The following PPP2R2B variants were observed in gnomAD, a reference collection of about 807,000 sequenced individuals.
PPP2R2B encodes protein phosphatase 2 regulatory subunit Bbeta, also known as serine/threonine-protein phosphatase 2A 55 kDa regulatory subunit B beta isoform.
Under a neutral mutation model 46.0 loss-of-function variants are expected in PPP2R2B, and 5 were observed. The observed-to-expected ratio is 0.11, with a 90% CI of 0.06 to 0.23. The LOEUF (loss-of-function observed/expected upper bound fraction) is 0.23, where lower values mean the gene tolerates loss of function less well. Ranked by LOEUF, PPP2R2B falls within the 10% of genes least tolerant of loss-of-function variation. The probability of loss-of-function intolerance (pLI) is 1.00; values close to 1 mark genes in which losing one functional copy is unlikely to be tolerated. For synonymous variants in PPP2R2B, 215 were observed against 206.7 expected (o/e 1.04, Z -0.34); for missense variants, 367 against 575.0 (o/e 0.64, Z 3.70).
intron 6 of PPP2R2B, among the ~76,000 whole-genome samples, chr5:146,647,452 G>A (rs1029150358): frequency 6.6e-6 from 1 of 152,162 alleles, no homozygotes; most frequent in Admixed American, 6.5e-5. Context: ...CAGTGCTTAG[G>A]GCGGTCTGGT....
intron 2 of PPP2R2B, among the ~76,000 whole-genome samples, chr5:146,782,808 A>G (rs948943257): frequency 4.6e-4 from 18 of 39,218 alleles, no homozygotes; most frequent in African/African-American, 1.3e-3. Flanking sequence ...GAGAGAAGGG[A>G]GAGGAAACAG....
intron 5 of PPP2R2B, among the ~76,000 whole-genome samples, chr5:146,674,512 C>G (rs1343249585): frequency 6.6e-6 from 1 of 152,194 alleles, no homozygotes; most frequent in East Asian, 1.9e-4. Context: ...TCCTACATCC[C>G]TTTGTGTACT....
At chr5:146,763,334 AGCTGGTTCAAAT>A (rs1286004491) in intron 2 of PPP2R2B, among the ~76,000 whole-genome samples, 2 of 152,166 alleles carry the variant, frequency 1.3e-5, no homozygotes, top group Non-Finnish European at 2.9e-5. Flanking sequence ...GAAATAACGC[AGCTGGTTCAAAT>A]GCTGGTTGAG....
At chr5:146,819,599 G>A (rs549535906) in intron 2 of PPP2R2B, among the ~76,000 whole-genome samples, 6 of 152,200 alleles carry the variant, frequency 3.9e-5, no homozygotes, top group South Asian at 4.1e-4. Flanking sequence ...AATAGTTATC[G>A]TTTCCTCCAT....
At chr5:146,668,337 G>A (rs967811469) in intron 5 of PPP2R2B, among the ~76,000 whole-genome samples, 1 of 152,094 alleles carries the variant, frequency 6.6e-6, no homozygotes, top group Non-Finnish European at 1.5e-5. Context: ...CTATTCCCTA[G>A]CTAGAAATTT....
rs746472530 is a variant in PPP2R2B, at chr5:146,586,514, G to A, written c.*3433C>T. ...GTCCTTAGAAATTGGGCATTTGAGT[G>A]TGTACCTTTTATTATAATGGACCCT... On this transcript the variant is annotated 3_prime_UTR_variant, in exon 10 of 10. Coordinates refer to ENST00000394411, the MANE Select transcript of PPP2R2B (RefSeq NM_181675.4). The A allele has an allele frequency of 3.9e-5, 6 of 152,170 alleles. No homozygotes were observed. The highest frequency in any genetic ancestry group is 7.3e-5 in the Non-Finnish European group (5 of 68,032). The allele number at this position is 152,170 out of a possible 1,614,324, so 9.4% of individuals were successfully genotyped here.
chr5:146,787,321 C>T (rs1156514544), intron 2 of PPP2R2B, among the ~76,000 whole-genome samples: 1 of 152,198 alleles, frequency 6.6e-6, no homozygotes, highest in Non-Finnish European at 1.5e-5. Flanking sequence ...TATGTACACA[C>T]TGTGGCCACA....
At chr5:146,895,387 A>G (rs180964791) in intron 1 of PPP2R2B, among the ~76,000 whole-genome samples, 2 of 152,316 alleles carry the variant, frequency 1.3e-5, no homozygotes, top group East Asian at 3.9e-4. Context: ...ATGAATGTTT[A>G]TTTAGCAAAA....
chr5:146,911,115 G>A lies in PPP2R2B; in HGVS notation c.79+144550C>T, dbSNP rs1238968360. On this transcript the variant is annotated intron_variant, in intron 1 of 8. Transcript: ENST00000336640. The stretch of plus-strand genomic sequence containing the variant: ...TTTTTTTTTTTTGAGATGGAGTCTT[G>A]TTTTGTCCCCCAAGTTGGAGTGCAG... Among the ~76,000 whole-genome samples, 9 of 145,660 alleles carry A rather than the reference G, an allele frequency of 6.2e-5. No homozygotes were observed. The Admixed American group carries it at 6.2e-4, about 10-fold the overall frequency.
At chr5:146,879,395 C>T (rs1269199466), upstream of PPP2R2B, among the ~76,000 whole-genome samples, 1 of 152,142 alleles carries the variant, frequency 6.6e-6, no homozygotes, top group Non-Finnish European at 1.5e-5. Flanking sequence ...GACTAGTAAA[C>T]AGGATCAGTC....
rs116464811 is a variant in PPP2R2B, at chr5:147,040,468, C to T, written c.79+15197G>A. ...TTCCCAGCAGGTACAGAAAGCTTAGCCCAGGTCAGTTAGACAGGGACAAAT... is the reference window on the plus strand; with the variant it reads ...TTCCCAGCAGGTACAGAAAGCTTAGTCCAGGTCAGTTAGACAGGGACAAAT... On this transcript the variant is annotated intron_variant, in intron 1 of 8. Transcript: ENST00000336640. Among the ~76,000 whole-genome samples the T allele has an allele frequency of 5.1e-3, 781 of 152,158 alleles. 6 individuals carry two copies. The highest frequency in any genetic ancestry group is 8.9e-3 in the Non-Finnish European group (604 of 67,990).
At chr5:146,885,743 G>T (rs1582358907) in intron 1 of PPP2R2B, among the ~76,000 whole-genome samples, 1 of 152,192 alleles carries the variant, frequency 6.6e-6, no homozygotes, top group East Asian at 1.9e-4. Flanking sequence ...ACTGATAGAT[G>T]GATAAACAAA....
At chr5:146,966,200 C>T (rs9325027) in intron 1 of PPP2R2B, among the ~76,000 whole-genome samples, 1 of 152,158 alleles carries the variant, frequency 6.6e-6, no homozygotes, top group African/African-American at 2.4e-5. Flanking sequence ...GCCAGAGGCT[C>T]GTTAATGTTG....
At chr5:146,705,580 G>T (rs1274540712) in intron 2 of PPP2R2B, among the ~76,000 whole-genome samples, 1 of 152,122 alleles carries the variant, frequency 6.6e-6, no homozygotes, top group South Asian at 2.1e-4. Context: ...AATTACAGTT[G>T]TTCCTCCCAT....
At chr5:146,988,633 T>C (rs1420575719) in intron 1 of PPP2R2B, among the ~76,000 whole-genome samples, 2 of 151,844 alleles carry the variant, frequency 1.3e-5, no homozygotes, top group African/African-American at 4.8e-5. Context: ...GAAAGAGAAG[T>C]CATTGTAATA....
intron 2 of PPP2R2B, 124 bp downstream of exon 2, chr5:146,877,878 G>T: frequency 8.5e-7 from 1 of 1,169,774 alleles, no homozygotes; most frequent in Non-Finnish European, 1.2e-6. Flanking sequence ...GGCCAGCCGA[G>T]CCCCCGCCCC....
At chr5:146,880,092 G>C (rs983679101), upstream of PPP2R2B, among the ~76,000 whole-genome samples, 1 of 152,102 alleles carries the variant, frequency 6.6e-6, no homozygotes, top group Admixed American at 6.5e-5. Context: ...ACTTCTGGTA[G>C]ATAGAAAATG....
chr5:146,912,197 C>G (rs1389653484), intron 1 of PPP2R2B, among the ~76,000 whole-genome samples: 1 of 146,830 alleles, frequency 6.8e-6, no homozygotes, highest in African/African-American at 2.6e-5. Flanking sequence ...CGAGATCGCG[C>G]CACTGCACTC....
intron 2 of PPP2R2B, among the ~76,000 whole-genome samples, chr5:146,803,870 A>G (rs1757012543): frequency 6.6e-6 from 1 of 152,190 alleles, no homozygotes. Flanking sequence ...TCAGGTAATA[A>G]TTATATAGTT....
Sources: allele counts gnomAD v4.1 joint callset (sites outside exome capture counted in the v4.1 genomes callset), GRCh38; gene constraint gnomAD v4.1.1; transcripts MANE v1.5; gene names NCBI Gene and HGNC (gene_info 2026-07-23, HGNC 2026-07-21).